Variants in ZNF713 observed in about 807,000 individuals in gnomAD.
ZNF713 encodes zinc finger protein 713.
ZNF713 carries 21 observed loss-of-function variants against 28.7 expected under a neutral mutation model. The observed-to-expected ratio is 0.73, with a 90% CI of 0.52 to 1.05. The LOEUF is 1.05. Among genes scored for constraint, ZNF713 ranks in the 50% least tolerant of loss-of-function variants. The pLI is 0.00. For synonymous variants in ZNF713, 167 were observed against 178.0 expected, an observed-to-expected ratio of 0.94 and a Z score of 0.49; for missense variants, 458 against 532.4, an observed-to-expected ratio of 0.86 and a Z score of 1.37.
chr7:55,938,199 G>A (rs563266364), intron 6 of ZNF713, among the ~76,000 whole-genome samples: 1 of 152,188 alleles, frequency 6.6e-6, no homozygotes, highest in African/African-American at 2.4e-5. Flanking sequence ...GTGATAGAGC[G>A]AGACTCCATC....
At chr7:55,926,747 G>T (rs958821478) in intron 6 of ZNF713, among the ~76,000 whole-genome samples, 3 of 152,188 alleles carry the variant, frequency 2.0e-5, no homozygotes, top group Non-Finnish European at 2.9e-5. Flanking sequence ...ATGATTGGAA[G>T]AACAGTCAGT....
intron 1 of ZNF713, among the ~76,000 whole-genome samples, chr7:55,901,992 G>A (rs1348697101): frequency 6.6e-6 from 1 of 152,158 alleles, no homozygotes; most frequent in Admixed American, 6.5e-5. Flanking sequence ...AGGAGTTCGA[G>A]ACCGGCCAGT....
chr7:55,927,686 C>T (rs906163925), intron 6 of ZNF713, among the ~76,000 whole-genome samples: 9 of 151,850 alleles, frequency 5.9e-5, no homozygotes, highest in Non-Finnish European at 1.0e-4. Context: ...CACTTGAGGT[C>T]AGGAGTTCAG....
intron 6 of ZNF713, among the ~76,000 whole-genome samples, chr7:55,933,686 TTTTTG>T (rs1260752948): frequency 6.6e-6 from 1 of 152,126 alleles, no homozygotes; most frequent in Non-Finnish European, 1.5e-5. Flanking sequence ...CATAAACTAA[TTTTTG>T]TTTTGTTTTG....
intron 6 of ZNF713, among the ~76,000 whole-genome samples, chr7:55,929,356 T>G (rs1786164652): frequency 6.6e-6 from 1 of 152,030 alleles, no homozygotes; most frequent in Admixed American, 6.6e-5. Context: ...TAAACCCAAA[T>G]ACATGTGGGC....
intron 1 of ZNF713, among the ~76,000 whole-genome samples, chr7:55,897,932 A>G (rs1369670706): frequency 6.6e-6 from 1 of 152,198 alleles, no homozygotes; most frequent in Non-Finnish European, 1.5e-5. Context: ...AACCAATGAG[A>G]TGACTGGTGA....
intron 6 of ZNF713, among the ~76,000 whole-genome samples, chr7:55,931,991 T>A (rs979895119): frequency 7.2e-5 from 11 of 152,174 alleles, no homozygotes; most frequent in Admixed American, 5.2e-4. Flanking sequence ...TTTCAAACAC[T>A]CTGGAGTCAA....
At chr7:55,928,229 CTG>C (rs1786140522) in intron 6 of ZNF713, among the ~76,000 whole-genome samples, 1 of 152,136 alleles carries the variant, frequency 6.6e-6, no homozygotes, top group South Asian at 2.1e-4. Context: ...CCCCATACAG[CTG>C]TGGTTTCTAA....
At chr7:55,907,020 T>TTA (rs1449489859) in intron 2 of ZNF713, among the ~76,000 whole-genome samples, 1 of 152,164 alleles carries the variant, frequency 6.6e-6, no homozygotes, top group Non-Finnish European at 1.5e-5. Context: ...AAGCCTATAT[T>TTA]TAGGTTATAA....
At chr7:55,919,496 T>TTTG (rs1562743521) in intron 4 of ZNF713, among the ~76,000 whole-genome samples, 14 of 31,526 alleles carry the variant, frequency 4.4e-4, no homozygotes, top group African/African-American at 1.7e-3. Flanking sequence ...TCCAGTTTTT[T>TTTG]TTTTTTTTTT....
Position 55,939,558 on chromosome 7 carries a change from T to G in ZNF713, c.884T>G (p.Phe295Cys). ...AAGTGTGATGAATGTGGAAAAAGATTCAGCCAGAGGATACATCTCATTCAA... is the reference window on the plus strand; with the variant it reads ...AAGTGTGATGAATGTGGAAAAAGATGCAGCCAGAGGATACATCTCATTCAA... ...PYKCDECGKR[F>C]SQRIHLIQHQ... is the part of the protein sequence containing the mutation. Residue 295 changes from phenylalanine (F) to cysteine (C), a missense_variant, in exon 7 of 7, where the codon TTC becomes TGC. Physicochemically the swap from Phe to Cys is radical, Grantham distance 205. Transcript: ENST00000429591. The G allele has an allele frequency of 2.5e-6, 4 of 1,613,784 alleles. No homozygotes were observed. Among genetic ancestry groups the G allele is most frequent in the Non-Finnish European group, 3.4e-6 (4 of 1,179,908 alleles).
chr7:55,902,860 G>A (rs1397961462), intron 1 of ZNF713, among the ~76,000 whole-genome samples: 2 of 151,934 alleles, frequency 1.3e-5, no homozygotes, highest in Admixed American at 1.3e-4. Context: ...GGATATGGTG[G>A]TGGGTGCCTA....
intron 4 of ZNF713, among the ~76,000 whole-genome samples, chr7:55,917,096 C>T (rs1785894101): frequency 6.6e-6 from 1 of 151,922 alleles, no homozygotes; most frequent in Non-Finnish European, 1.5e-5. Context: ...CGCCTGTAGT[C>T]CCAGCTTCTT....
intron 1 of ZNF713, among the ~76,000 whole-genome samples, chr7:55,896,727 T>C (rs1419992866): frequency 3.3e-5 from 5 of 151,992 alleles, no homozygotes; most frequent in African/African-American, 1.2e-4. Flanking sequence ...GAAGCAATGA[T>C]ACCCCAGTAG....
At chr7:55,937,445 C>T (rs1013739631) in intron 6 of ZNF713, among the ~76,000 whole-genome samples, 3 of 151,982 alleles carry the variant, frequency 2.0e-5, no homozygotes, top group East Asian at 1.9e-4. Context: ...AGTCGGGGAG[C>T]GGCTCAGGCA....
intron 4 of ZNF713, among the ~76,000 whole-genome samples, chr7:55,916,816 G>T (rs1417208403): frequency 6.6e-6 from 1 of 152,136 alleles, no homozygotes; most frequent in Non-Finnish European, 1.5e-5. Context: ...TATGAAAAAT[G>T]AAACCACAAA....
chr7:55,888,380 G>A (rs1402949166), intron 1 of ZNF713, among the ~76,000 whole-genome samples: 2 of 152,028 alleles, frequency 1.3e-5, no homozygotes, highest in African/African-American at 2.4e-5. Flanking sequence ...ATGTGTTTCT[G>A]TTTATTTATG....
chr7:55,926,731 A>G (rs1004320184), intron 6 of ZNF713, among the ~76,000 whole-genome samples: 3 of 152,150 alleles, frequency 2.0e-5, no homozygotes, highest in Admixed American at 6.5e-5. Flanking sequence ...GAGAAGTGAC[A>G]GGGGGATGAT....
intron 1 of ZNF713, among the ~76,000 whole-genome samples, chr7:55,900,270 T>C (rs909960971): frequency 6.6e-6 from 1 of 151,878 alleles, no homozygotes; most frequent in Non-Finnish European, 1.5e-5. Flanking sequence ...GAGTTTGAGA[T>C]CAGCCTGACC....
Sources: allele counts gnomAD v4.1 joint callset (sites outside exome capture counted in the v4.1 genomes callset), GRCh38; gene constraint gnomAD v4.1.1; transcripts MANE v1.5; gene names NCBI Gene and HGNC (gene_info 2026-07-23, HGNC 2026-07-21).